The following NEMP2 variants were observed in gnomAD, a reference collection of about 807,000 sequenced individuals.
NEMP2 encodes the protein nuclear envelope integral membrane protein 2.
NEMP2 carries 53 observed loss-of-function variants against 54.2 expected under a neutral mutation model. The ratio of observed to expected loss-of-function variants is 0.98; its 90% CI spans 0.78 to 1.23. NEMP2 has a LOEUF of 1.23. NEMP2 is among the 50% of genes most tolerant of loss of function. The pLI is 0.00. For synonymous variants in NEMP2, 197 were observed against 190.3 expected, an observed-to-expected ratio of 1.04 and a Z score of -0.29; for missense variants, 455 against 511.3, an observed-to-expected ratio of 0.89 and a Z score of 1.06.
At chr2:190,503,723 G>A (rs13024980), downstream of NEMP2, among the ~76,000 whole-genome samples, 1,071 of 152,314 alleles carry the variant, frequency 7.0e-3, 9 homozygotes, top group Non-Finnish European at 0.011. This position sits in a 1 kb window ranked among gnomAD's most constrained non-coding sequence, Gnocchi z 6.3. Context: ...GTTTAGCAAA[G>A]CCTTGAGAAT....
At chr2:190,430,167 G>C in the NEMP2 span, among the ~76,000 whole-genome samples, 1 of 151,630 alleles carries the variant, frequency 6.6e-6, no homozygotes, top group Non-Finnish European at 1.5e-5. Flanking sequence ...CCCTGCAAAG[G>C]ACATGAACGC....
the NEMP2 span, among the ~76,000 whole-genome samples, chr2:190,541,549 G>A: frequency 6.6e-6 from 1 of 152,090 alleles, no homozygotes; most frequent in Non-Finnish European, 1.5e-5. This position sits in a 1 kb window ranked among gnomAD's most constrained non-coding sequence, Gnocchi z 5.2. Flanking sequence ...AATTTTAACA[G>A]GTTGATGTAA....
At chr2:190,594,931 AT>A in the NEMP2 span, among the ~76,000 whole-genome samples, 1 of 152,238 alleles carries the variant, frequency 6.6e-6, no homozygotes, top group East Asian at 1.9e-4. This position sits in a 1 kb window ranked among gnomAD's most constrained non-coding sequence, Gnocchi z 5.6. Context: ...ATACAAATGT[AT>A]TAACATCTTG....
rs1206373672 is a variant in NEMP2 at position 190,529,600 on chromosome 2, T to C, written c.98-4222A>G. Among the ~76,000 whole-genome samples, 1 of 152,226 alleles carries C rather than the reference T, an allele frequency of 6.6e-6. No individual in the cohort carries two copies. The highest frequency in any genetic ancestry group is 1.5e-5 in the Non-Finnish European group (1 of 68,036). On this transcript the variant is annotated intron_variant, in intron 1 of 8. Coordinates refer to ENST00000409150, the MANE Select transcript of NEMP2 (RefSeq NM_001142645.2). This position sits in a 1 kb window ranked among gnomAD's most constrained non-coding sequence, Gnocchi z 4.7. ...TATATATTTATTAGCTTATACTCTG[T>C]CTCTCCATGAAGTCAGGGACATTGC...
In NEMP2 at chr2:190,509,594, T is replaced by A. The variant is rs1386314140; in HGVS notation, c.1131-282A>T. Among the ~76,000 whole-genome samples the A allele has an allele frequency of 1.3e-5, 2 of 152,238 alleles. No individual in the cohort carries two copies. Among genetic ancestry groups the A allele is most frequent in the Non-Finnish European group, 1.5e-5 (1 of 68,052 alleles). On this transcript the variant is annotated intron_variant, in intron 8 of 8. Transcript: ENST00000409150. The surrounding 1 kb of genome is among the most constrained non-coding windows in gnomAD (Gnocchi z 6.1). ...AATTCCTTCTTGTCTCTATTTTTTA[T>A]TAGTTTGAATTTATTATTATTCATT...
chr2:190,437,129 A>G, the NEMP2 span: 11 of 1,614,142 alleles, frequency 6.8e-6, no homozygotes, highest in Non-Finnish European at 9.3e-6. The surrounding 1 kb of genome is among the most constrained non-coding windows in gnomAD (Gnocchi z 5.9). Context: ...GAGTACAGGA[A>G]TTACCAGATC....
At chr2:190,458,210 G>A in the NEMP2 span, among the ~76,000 whole-genome samples, 80 of 151,890 alleles carry the variant, frequency 5.3e-4, no homozygotes, top group African/African-American at 1.8e-3. The surrounding 1 kb of genome is among the most constrained non-coding windows in gnomAD (Gnocchi z 5.3). Context: ...AGATTCATAC[G>A]TTGAGGTCCT....
At chr2:190,561,664 G>A in the NEMP2 span, among the ~76,000 whole-genome samples, 244 of 152,290 alleles carry the variant, frequency 1.6e-3, no homozygotes, top group African/African-American at 5.6e-3. The surrounding 1 kb of genome is among the most constrained non-coding windows in gnomAD (Gnocchi z 5.4). Flanking sequence ...CAGAGGGGAT[G>A]GGGGAGGGAG....
the NEMP2 span, among the ~76,000 whole-genome samples, chr2:190,471,352 G>C: frequency 6.6e-6 from 1 of 152,188 alleles, no homozygotes; most frequent in Non-Finnish European, 1.5e-5. This position sits in a 1 kb window ranked among gnomAD's most constrained non-coding sequence, Gnocchi z 4.7. Flanking sequence ...CGAGGAAAGG[G>C]GTGAGAGATG....
chr2:190,565,969 C>T, the NEMP2 span, among the ~76,000 whole-genome samples: 1 of 152,098 alleles, frequency 6.6e-6, no homozygotes, highest in African/African-American at 2.4e-5. Context: ...GTTATGGCAG[C>T]CCTAGAAAAC....
the NEMP2 span, among the ~76,000 whole-genome samples, chr2:190,554,703 T>A: frequency 2.6e-5 from 4 of 152,194 alleles, no homozygotes; most frequent in African/African-American, 9.7e-5. This position sits in a 1 kb window ranked among gnomAD's most constrained non-coding sequence, Gnocchi z 5.7. Flanking sequence ...ACAGAGCACC[T>A]GGGGGAAGGG....
chr2:190,533,529 C>T lies in NEMP2; in HGVS notation c.97+1030G>A, dbSNP rs899247271. 6.6e-6 allele frequency among the ~76,000 whole-genome samples: 1 copy of T among 152,156 alleles called. No homozygotes were observed. The highest frequency in any genetic ancestry group is 1.9e-4 in the East Asian group (1 of 5,202). ...AATGAAAACTGGAATCCAACACTTC[C>T]CCAACATATAACTCACTGCAAGATT... is the stretch of plus-strand genomic sequence containing the variant. On this transcript the variant is annotated intron_variant, in intron 1 of 8. Transcript: ENST00000409150. This position sits in a 1 kb window ranked among gnomAD's most constrained non-coding sequence, Gnocchi z 4.3.
chr2:190,547,420 T>C, the NEMP2 span, among the ~76,000 whole-genome samples: 1 of 152,234 alleles, frequency 6.6e-6, no homozygotes, highest in African/African-American at 2.4e-5. The surrounding 1 kb of genome is among the most constrained non-coding windows in gnomAD (Gnocchi z 6.2). Context: ...GGGAGTTGCT[T>C]CTGCACCAAT....
At chr2:190,632,844 T>A in the NEMP2 span, among the ~76,000 whole-genome samples, 424 of 152,298 alleles carry the variant, frequency 2.8e-3, 2 homozygotes, top group Admixed American at 0.021. This position sits in a 1 kb window ranked among gnomAD's most constrained non-coding sequence, Gnocchi z 4.8. Context: ...TTATAGAATA[T>A]ACAGAATATT....
chr2:190,421,932 A>G, the NEMP2 span, among the ~76,000 whole-genome samples: 116,007 of 151,878 alleles, frequency 0.76, 45,083 homozygotes, highest in East Asian at 0.89. Context: ...AGAAGAAACC[A>G]AGTTAACTCT....
At chr2:190,436,962 G>A in the NEMP2 span, 21 of 1,614,036 alleles carry the variant, frequency 1.3e-5, no homozygotes, top group South Asian at 3.3e-5. This position sits in a 1 kb window ranked among gnomAD's most constrained non-coding sequence, Gnocchi z 5.3. Context: ...TCGTAGACAC[G>A]GTCACACTCC....
the NEMP2 span, among the ~76,000 whole-genome samples, chr2:190,491,201 T>G: frequency 6.6e-6 from 1 of 152,222 alleles, no homozygotes; most frequent in African/African-American, 2.4e-5. This position sits in a 1 kb window ranked among gnomAD's most constrained non-coding sequence, Gnocchi z 4.2. Context: ...AATATGGTAC[T>G]GGGTTAGTTT....
the NEMP2 span, among the ~76,000 whole-genome samples, chr2:190,626,991 A>G: frequency 6.6e-6 from 1 of 152,224 alleles, no homozygotes; most frequent in Admixed American, 6.5e-5. This position sits in a 1 kb window ranked among gnomAD's most constrained non-coding sequence, Gnocchi z 4.5. Flanking sequence ...AATCATAGGA[A>G]TACTGAAAGT....
At chr2:190,571,971 T>G in the NEMP2 span, among the ~76,000 whole-genome samples, 1 of 152,180 alleles carries the variant, frequency 6.6e-6, no homozygotes, top group African/African-American at 2.4e-5. Flanking sequence ...ATGCCTTGCC[T>G]GGAGCCCTTC....
Sources: allele counts gnomAD v4.1 joint callset (sites outside exome capture counted in the v4.1 genomes callset), GRCh38; gene constraint gnomAD v4.1.1; non-coding constraint Gnocchi (gnomAD v3.1); transcripts MANE v1.5; gene names NCBI Gene and HGNC (gene_info 2026-07-23, HGNC 2026-07-21).